Variants in ANOS1 observed in about 807,000 individuals in gnomAD.
The protein encoded by ANOS1 is anosmin-1.
A neutral mutation model predicts 59.0 loss-of-function variants in ANOS1; 6 were observed. The ratio of observed to expected loss-of-function variants is 0.10; its 90% confidence interval spans 0.06 to 0.20. The LOEUF (loss-of-function observed/expected upper bound fraction) is 0.20. Among genes scored for constraint, ANOS1 ranks in the 10% least tolerant of loss-of-function variants. The pLI is 1.00. For missense variants in ANOS1, 433 were observed against 542.3 expected, an observed-to-expected ratio of 0.80 and a Z score of 2.00; for synonymous variants, 217 against 223.4, an observed-to-expected ratio of 0.97 and a Z score of 0.25.
intron 2 of ANOS1, among the ~76,000 whole-genome samples, chrX:8,686,272 G>A (rs1490210043): frequency 1.8e-5 from 2 of 111,877 alleles, no homozygotes; most frequent in Non-Finnish European, 3.8e-5. Context: ...GCCACAGTAT[G>A]ATATCCTTCT....
intron 2 of ANOS1, among the ~76,000 whole-genome samples, chrX:8,648,961 T>G (rs1931806208): frequency 9.0e-6 from 1 of 111,696 alleles, no homozygotes; most frequent in South Asian, 3.8e-4. Flanking sequence ...TTAGACACCT[T>G]TTCTTTGATA....
At chrX:8,694,248 A>G (rs2146895312) in intron 2 of ANOS1, among the ~76,000 whole-genome samples, 1 of 112,584 alleles carries the variant, frequency 8.9e-6, no homozygotes, top group South Asian at 3.7e-4. Flanking sequence ...ATGTTAAACT[A>G]GAAACATAAA....
rs183802759 is a variant in ANOS1 at position 8,699,614 on chromosome X, C to T, written c.255+84G>A. On this transcript the variant is annotated intron_variant, in intron 2 of 13. Coordinates refer to ENST00000262648, the MANE Select transcript of ANOS1 (RefSeq NM_000216.4). ...ACTGGGCATATATGATTTCTCTGTGCTGTCTTTGCAACTTACTGTGAATCT... is the reference window on the plus strand; with the variant it reads ...ACTGGGCATATATGATTTCTCTGTGTTGTCTTTGCAACTTACTGTGAATCT... 3.4e-4 allele frequency: 239 copies of T among 709,274 alleles called. 1 individual carries two copies. The African/African-American group carries it at 4.5e-3, about 13-fold the overall frequency. 58.5% of individuals were successfully genotyped at this position (709,274 alleles called of 1,213,427 possible).
At chrX:8,665,097 GGCGGGAC>G (rs1452778605) in intron 2 of ANOS1, among the ~76,000 whole-genome samples, 1 of 111,689 alleles carries the variant, frequency 9.0e-6, no homozygotes, top group Non-Finnish European at 1.9e-5. Flanking sequence ...ATGCTGCAAA[GGCGGGAC>G]GTGCTCCCAG....
In ANOS1 at chrX:8,699,715, G is replaced by T; in HGVS notation, c.238C>A (p.His80Asn). 8.3e-7 allele frequency: 1 copy of T among 1,200,301 alleles called. No individual in the cohort carries two copies. Among genetic ancestry groups the T allele is most frequent in the South Asian group, 1.8e-5 (1 of 56,457 alleles). Residue 80 changes from histidine to asparagine, a missense_variant, in exon 2 of 14, where the codon CAC (histidine) becomes AAC (asparagine). Transcript: ENST00000262648. ...NNGSLVWCQN[H>N]KQCSKCLEPC... ...AAACGTACCTTAGAACATTGCTTGTGATTCTGGCACCAAACCAGGGAACCA... is the reference window on the plus strand; with the variant it reads ...AAACGTACCTTAGAACATTGCTTGTTATTCTGGCACCAAACCAGGGAACCA...
intron 1 of ANOS1, among the ~76,000 whole-genome samples, chrX:8,722,900 C>T (rs1159852314): frequency 5.7e-4 from 64 of 111,389 alleles, no homozygotes; most frequent in Non-Finnish European, 1.1e-4. Flanking sequence ...GCCATTCTTG[C>T]GGGAGTAAGG....
At chrX:8,652,317 C>G (rs780935128) in intron 2 of ANOS1, among the ~76,000 whole-genome samples, 46 of 111,253 alleles carry the variant, frequency 4.1e-4, no homozygotes, top group Non-Finnish European at 6.6e-4. Flanking sequence ...CAACATGATA[C>G]ACATATTCAT....
At chrX:8,553,810 C>T in intron 9 of ANOS1, 142 bp downstream of exon 9, 1 of 509,887 alleles carries the variant, frequency 2.0e-6, no homozygotes, top group South Asian at 2.9e-5. Context: ...TGTGAGATAA[C>T]CGTCAACTCA....
intron 8 of ANOS1, among the ~76,000 whole-genome samples, chrX:8,560,491 C>G (rs1042432256): frequency 3.6e-5 from 4 of 112,046 alleles, no homozygotes; most frequent in Non-Finnish European, 7.5e-5. Flanking sequence ...GTTGTACCCC[C>G]CAAACAGCCG....
intron 2 of ANOS1, among the ~76,000 whole-genome samples, chrX:8,685,597 GAAGAAAGAAAGA>G (rs557905634): frequency 0.037 from 2,089 of 57,177 alleles, 31 homozygotes; most frequent in Middle Eastern, 0.077. Flanking sequence ...AGAAAGAAAG[GAAGAAAGAAAGA>G]AAGAAAGAAA....
At chrX:8,632,595 G>T (rs1931506945) in intron 2 of ANOS1, among the ~76,000 whole-genome samples, 1 of 111,422 alleles carries the variant, frequency 9.0e-6, no homozygotes, top group African/African-American at 3.3e-5. Flanking sequence ...TGAATGGTGT[G>T]GTAATATTCT....
chrX:8,600,804 C>T lies in ANOS1; in HGVS notation c.319-3548G>A, dbSNP rs910931955. Among the ~76,000 whole-genome samples the T allele has an allele frequency of 4.5e-5, 5 of 112,231 alleles. No homozygotes were observed. The Admixed American group carries it at 4.7e-4, about 11-fold the overall frequency. On this transcript the variant is annotated intron_variant, in intron 3 of 13. Coordinates refer to ENST00000262648, the MANE Select transcript of ANOS1 (RefSeq NM_000216.4). ...GTAGTATTTGCCAACTTTCTTCTTT[C>T]AACAATTCATATACATTACACACAC...
At chrX:8,558,045 C>T (rs1929975057) in intron 8 of ANOS1, among the ~76,000 whole-genome samples, 1 of 110,741 alleles carries the variant, frequency 9.0e-6, no homozygotes, top group African/African-American at 3.3e-5. Context: ...AGCTGGAAAC[C>T]ACAATTCTCA....
At chrX:8,566,595 A>G (rs1452728599) in intron 8 of ANOS1, among the ~76,000 whole-genome samples, 5 of 111,322 alleles carry the variant, frequency 4.5e-5, no homozygotes, top group Non-Finnish European at 9.4e-5. Flanking sequence ...ATAGGCACAC[A>G]ATTTCAATGC....
intron 6 of ANOS1, among the ~76,000 whole-genome samples, chrX:8,571,111 CA>C (rs201277459): frequency 0.062 from 3,452 of 55,728 alleles, 176 homozygotes; most frequent in African/African-American, 0.17. Flanking sequence ...GACACTGTCT[CA>C]AAAAAAAAAA....
In ANOS1 at chrX:8,659,000, G is replaced by A. The variant is rs189051198; in HGVS notation, c.256-35330C>T. On this transcript the variant is annotated intron_variant, in intron 2 of 13. Transcript: ENST00000262648. ...TCCCAGCCCTTTGGGAGGCCGAGGC[G>A]GGCGGATCACGTCAGGAGTTTGAGA... Among the ~76,000 whole-genome samples, 9 of 111,479 alleles carry A rather than the reference G, an allele frequency of 8.1e-5. No homozygotes were observed. In the East Asian group the frequency reaches 1.4e-3, roughly 17 times the overall value.
rs1409754320 is a variant in ANOS1 at position 8,529,571 on chromosome X, G to A, written c.*3424C>T. On this transcript the variant is annotated 3_prime_UTR_variant, in exon 14 of 14. Coordinates refer to ENST00000262648, the MANE Select transcript of ANOS1 (RefSeq NM_000216.4). ...TTGTACTTGTATGATACAGACACGA[G>A]TCAAAATTCCGTCTTTTAATCAAGT... 8.9e-6 allele frequency: 1 copy of A among 112,028 alleles called. No homozygotes were observed. Among genetic ancestry groups the A allele is most frequent in the East Asian group, 2.8e-4 (1 of 3,580 alleles). The allele number at this position is 112,028 out of a possible 1,213,427, so 9.2% of individuals were successfully genotyped here.
At chrX:8,585,417 G>A (rs779231931) in intron 5 of ANOS1, 21 bp from the exon 6 acceptor site, 4 of 1,208,717 alleles carry the variant, frequency 3.3e-6, no homozygotes, top group Non-Finnish European at 4.5e-6. Context: ...ATGTCACAGA[G>A]CACAGGGAAC....
At chrX:8,678,494 C>T (rs1932370712) in intron 2 of ANOS1, among the ~76,000 whole-genome samples, 1 of 111,984 alleles carries the variant, frequency 8.9e-6, no homozygotes, top group African/African-American at 3.2e-5. Context: ...GAGAGAGAAT[C>T]TACTCAGTTT....
Sources: allele counts gnomAD v4.1 joint callset (sites outside exome capture counted in the v4.1 genomes callset), GRCh38; gene constraint gnomAD v4.1.1; transcripts MANE v1.5; gene names NCBI Gene and HGNC (gene_info 2026-07-23, HGNC 2026-07-21).